JARID2: variants seen among roughly 807,000 people sequenced by gnomAD.
JARID2 encodes the protein protein Jumonji.
In JARID2, 21 loss-of-function variants were observed where a neutral mutation model predicts 125.6. That is an observed-to-expected ratio of 0.17 (90% CI 0.12 to 0.24). JARID2 has a LOEUF of 0.24. Among genes scored for constraint, JARID2 ranks in the 10% least tolerant of loss-of-function variants. The pLI is 1.00. For missense variants in JARID2, 1,303 were observed against 1,639.6 expected (o/e 0.79, Z 3.55); for synonymous variants, 736 against 661.6 (o/e 1.11, Z -1.73).
chr6:15,313,157 C>G (rs1163088755), intron 1 of JARID2, among the ~76,000 whole-genome samples: 1 of 152,116 alleles, frequency 6.6e-6, no homozygotes, highest in Non-Finnish European at 1.5e-5. Flanking sequence ...CCTCTGCTTC[C>G]TGATCTCCTT....
At chr6:15,393,874 C>G (rs998167794) in intron 2 of JARID2, among the ~76,000 whole-genome samples, 1 of 152,134 alleles carries the variant, frequency 6.6e-6, no homozygotes, top group African/African-American at 2.4e-5. Context: ...AGACGCAAAA[C>G]TGCTTTAGTT....
chr6:15,368,965 A>G (rs555305903), intron 1 of JARID2, among the ~76,000 whole-genome samples: 98 of 152,148 alleles, frequency 6.4e-4, no homozygotes, highest in African/African-American at 2.1e-3. Context: ...CTGCTTTTCT[A>G]ACAGGCTGCC....
chr6:15,441,416 C>G (rs1333878771), intron 3 of JARID2, among the ~76,000 whole-genome samples: 2 of 152,154 alleles, frequency 1.3e-5, no homozygotes, highest in Non-Finnish European at 2.9e-5. Flanking sequence ...TAGGGGTGAT[C>G]CCACAGCTGG....
At chr6:15,343,921 A>G (rs1181117183) in intron 1 of JARID2, among the ~76,000 whole-genome samples, 1 of 152,146 alleles carries the variant, frequency 6.6e-6, no homozygotes, top group Non-Finnish European at 1.5e-5. Flanking sequence ...TTTACCTGGG[A>G]GGACCTTTTA....
At chr6:15,320,676 C>T (rs1341520116) in intron 1 of JARID2, among the ~76,000 whole-genome samples, 1 of 152,058 alleles carries the variant, frequency 6.6e-6, no homozygotes, top group Non-Finnish European at 1.5e-5. Flanking sequence ...TCTTTAGTAG[C>T]TAGATTAGAT....
intron 7 of JARID2, among the ~76,000 whole-genome samples, chr6:15,499,073 C>T (rs1770602350): frequency 6.6e-6 from 1 of 152,134 alleles, no homozygotes; most frequent in Non-Finnish European, 1.5e-5. Context: ...ACTGTGCCTC[C>T]CTGTGGTGTG....
rs140795154 is a variant in JARID2, at chr6:15,340,767, C to T, written c.46-33350C>T. Among the ~76,000 whole-genome samples the T allele has an allele frequency of 5.0e-3, 762 of 152,256 alleles. 4 individuals are homozygous for T. The highest frequency in any genetic ancestry group is 0.01 in the Middle Eastern group (3 of 292). ...TCGTTTGCTGGTCAGAAATGTGTCT[C>T]GTTCCTCTTTAGTGGGAAAAATGTG... On this transcript the variant is annotated intron_variant, in intron 1 of 17. Transcript: ENST00000341776.
At chr6:15,506,047 C>G (rs999235360) in intron 9 of JARID2, among the ~76,000 whole-genome samples, 2 of 152,208 alleles carry the variant, frequency 1.3e-5, no homozygotes, top group Admixed American at 6.5e-5. Flanking sequence ...GGAATTAATT[C>G]CCTCTGAAAG....
intron 1 of JARID2, among the ~76,000 whole-genome samples, chr6:15,344,294 T>A (rs535012760): frequency 6.6e-6 from 1 of 152,058 alleles, no homozygotes; most frequent in African/African-American, 2.4e-5. Context: ...CATTCTGTCA[T>A]GTTCCATGTA....
chr6:15,314,331 AT>A (rs1033927153), intron 1 of JARID2, among the ~76,000 whole-genome samples: 1 of 119,090 alleles, frequency 8.4e-6, no homozygotes, highest in African/African-American at 3.7e-5. Flanking sequence ...TAATACAATA[AT>A]TTAAAAAAAA....
intron 1 of JARID2, among the ~76,000 whole-genome samples, chr6:15,369,864 C>T (rs1028753129): frequency 2.0e-5 from 3 of 152,194 alleles, no homozygotes; most frequent in African/African-American, 7.2e-5. Flanking sequence ...GGCACTTTTT[C>T]TTACAGAGAA....
At chr6:15,302,227 C>T (rs192773118) in intron 1 of JARID2, among the ~76,000 whole-genome samples, 1 of 152,208 alleles carries the variant, frequency 6.6e-6, no homozygotes, top group African/African-American at 2.4e-5. Context: ...ACCAGCCTGG[C>T]CAACGTGCTG....
chr6:15,293,532 A>T (rs556877735), intron 1 of JARID2, among the ~76,000 whole-genome samples: 1 of 152,314 alleles, frequency 6.6e-6, no homozygotes, highest in South Asian at 2.1e-4. Flanking sequence ...ATGTATTTCT[A>T]TTTATTTAGT....
chr6:15,518,106 C>T (rs974039928), intron 17 of JARID2, among the ~76,000 whole-genome samples: 2 of 152,264 alleles, frequency 1.3e-5, no homozygotes, highest in Non-Finnish European at 2.9e-5. Context: ...TGGGTGAAGG[C>T]AGTAAGCACC....
intron 1 of JARID2, among the ~76,000 whole-genome samples, chr6:15,260,246 C>T (rs1203860927): frequency 5.9e-5 from 9 of 152,114 alleles, no homozygotes; most frequent in Admixed American, 4.6e-4. Context: ...TAATAGTGAA[C>T]TTCTGAACTT....
intron 1 of JARID2, among the ~76,000 whole-genome samples, chr6:15,264,636 TGTGTGA>T (rs1419347306): frequency 2.0e-5 from 3 of 148,404 alleles, no homozygotes; most frequent in East Asian, 2.0e-4. Flanking sequence ...TGTGTGTGTG[TGTGTGA>T]GAGAGAGAGA....
intron 2 of JARID2, among the ~76,000 whole-genome samples, chr6:15,399,176 G>T (rs1411965324): frequency 1.3e-4 from 20 of 152,066 alleles, no homozygotes. Context: ...CTGCTCTGGG[G>T]GCTCACCCTG....
At chr6:15,479,021 T>C (rs527588894) in intron 5 of JARID2, among the ~76,000 whole-genome samples, 1 of 152,234 alleles carries the variant, frequency 6.6e-6, no homozygotes, top group Non-Finnish European at 1.5e-5. Context: ...GTGTGTTCTT[T>C]ACGAGTTAAC....
intron 6 of JARID2, among the ~76,000 whole-genome samples, chr6:15,490,258 G>A (rs1344725066): frequency 7.8e-6 from 1 of 128,078 alleles, no homozygotes; most frequent in Non-Finnish European, 1.7e-5. Flanking sequence ...TATGATATGT[G>A]GATTTTTTTT....
Sources: allele counts gnomAD v4.1 joint callset (sites outside exome capture counted in the v4.1 genomes callset), GRCh38; gene constraint gnomAD v4.1.1; transcripts MANE v1.5; gene names NCBI Gene and HGNC (gene_info 2026-07-23, HGNC 2026-07-21).